THSD7A: variants seen among roughly 807,000 people sequenced by gnomAD.
The protein encoded by THSD7A is thrombospondin type-1 domain-containing protein 7A.
A neutral mutation model predicts 231.3 loss-of-function variants in THSD7A; 96 were observed. The observed-to-expected ratio is 0.41, with a 90% CI of 0.35 to 0.49. THSD7A has a LOEUF of 0.49. Ranked by LOEUF, THSD7A falls within the 20% of genes least tolerant of loss-of-function variation. The pLI is 0.05. For missense variants in THSD7A, 2,290 were observed against 2,070.2 expected (o/e 1.11, Z -2.06); for synonymous variants, 940 against 743.3 (o/e 1.26, Z -4.30).
At chr7:11,824,355 TC>T (rs1784962860) in intron 1 of THSD7A, among the ~76,000 whole-genome samples, 3 of 152,042 alleles carry the variant, frequency 2.0e-5, no homozygotes, top group African/African-American at 4.8e-5. Context: ...ATATCAGAGG[TC>T]AAGAAACTTG....
intron 24 of THSD7A, among the ~76,000 whole-genome samples, chr7:11,380,457 T>G (rs1398038660): frequency 6.6e-6 from 1 of 152,144 alleles, no homozygotes; most frequent in African/African-American, 2.4e-5. Context: ...AAAACAAAAT[T>G]TTTTCTTTAT....
intron 6 of THSD7A, among the ~76,000 whole-genome samples, chr7:11,535,649 T>C (rs1788884460): frequency 6.6e-6 from 1 of 152,048 alleles, no homozygotes; most frequent in Admixed American, 6.6e-5. Flanking sequence ...CTTTGTTGAC[T>C]TATTGCTTAA....
At chr7:11,415,379 C>T (rs1169606460) in intron 17 of THSD7A, among the ~76,000 whole-genome samples, 1 of 152,124 alleles carries the variant, frequency 6.6e-6, no homozygotes, top group African/African-American at 2.4e-5. Flanking sequence ...TCATGGCCTC[C>T]CACAAACAAG....
chr7:11,683,069 C>A (rs569495706), intron 1 of THSD7A, among the ~76,000 whole-genome samples: 2 of 148,582 alleles, frequency 1.3e-5, no homozygotes, highest in Admixed American at 6.7e-5. Flanking sequence ...TGCAGTGAGC[C>A]GAGATCATGC....
intron 9 of THSD7A, among the ~76,000 whole-genome samples, chr7:11,469,545 A>T (rs1349137513): frequency 6.6e-6 from 1 of 152,136 alleles, no homozygotes; most frequent in African/African-American, 2.4e-5. Context: ...TGTACTGATA[A>T]AAGCACTGTA....
At chr7:11,763,399 T>C (rs895085104) in intron 1 of THSD7A, among the ~76,000 whole-genome samples, 5 of 152,202 alleles carry the variant, frequency 3.3e-5, no homozygotes, top group Admixed American at 1.3e-4. Flanking sequence ...CTCTCTTCAT[T>C]GTGTTTACAT....
At chr7:11,390,216 C>A (rs1782927314) in intron 23 of THSD7A, among the ~76,000 whole-genome samples, 1 of 149,702 alleles carries the variant, frequency 6.7e-6, no homozygotes, top group African/African-American at 2.4e-5. Context: ...GTTTTCCATT[C>A]TCCCCATCAC....
intron 1 of THSD7A, among the ~76,000 whole-genome samples, chr7:11,797,057 G>A (rs1784145201): frequency 6.6e-6 from 1 of 151,976 alleles, no homozygotes; most frequent in African/African-American, 2.4e-5. Context: ...GAAACACTAT[G>A]GTTAAACTCC....
At chr7:11,414,491 A>G (rs1783894141) in intron 17 of THSD7A, among the ~76,000 whole-genome samples, 1 of 152,180 alleles carries the variant, frequency 6.6e-6, no homozygotes, top group Non-Finnish European at 1.5e-5. Context: ...ATTCCCTAGA[A>G]GTGTCTATTT....
chr7:11,581,189 GTTA>G (rs990913025), intron 4 of THSD7A, among the ~76,000 whole-genome samples: 2 of 151,840 alleles, frequency 1.3e-5, no homozygotes, highest in South Asian at 2.1e-4. Context: ...AATTAATATT[GTTA>G]TTATCATTAT....
At chr7:11,725,053 G>T (rs1781501994) in intron 1 of THSD7A, among the ~76,000 whole-genome samples, 1 of 151,770 alleles carries the variant, frequency 6.6e-6, no homozygotes, top group Non-Finnish European at 1.5e-5. Context: ...CTCTTCATTT[G>T]TCTGTAAAAG....
intron 1 of THSD7A, chr7:11,820,227 ATCT>A (rs1327152832): frequency 2.7e-6 from 1 of 364,920 alleles, no homozygotes; most frequent in Non-Finnish European, 5.0e-6. Context: ...ATTTTTCAGA[ATCT>A]TCTTGAGGTT....
chr7:11,544,261 G>C (rs1378204475), intron 4 of THSD7A, among the ~76,000 whole-genome samples: 1 of 152,068 alleles, frequency 6.6e-6, no homozygotes, highest in African/African-American at 2.4e-5. Flanking sequence ...AGAATCACTT[G>C]AACCTGGGAG....
At chr7:11,639,505 T>C (rs1781996826) in intron 1 of THSD7A, among the ~76,000 whole-genome samples, 3 of 151,792 alleles carry the variant, frequency 2.0e-5, no homozygotes, top group African/African-American at 7.3e-5. Context: ...CTGTCTGTAC[T>C]AAAAATACAA....
At chr7:11,465,349 G>T (rs1200035415) in intron 9 of THSD7A, among the ~76,000 whole-genome samples, 1 of 151,966 alleles carries the variant, frequency 6.6e-6, no homozygotes, top group Non-Finnish European at 1.5e-5. Context: ...CGAAAAATAA[G>T]GGCACCTGCC....
intron 1 of THSD7A, among the ~76,000 whole-genome samples, chr7:11,827,495 C>G (rs1015154909): frequency 6.6e-6 from 1 of 152,118 alleles, no homozygotes; most frequent in African/African-American, 2.4e-5. Context: ...AAAATACCGT[C>G]TTCATCTAGT....
intron 1 of THSD7A, among the ~76,000 whole-genome samples, chr7:11,712,363 T>C (rs1432192531): frequency 6.6e-6 from 1 of 150,986 alleles, no homozygotes; most frequent in Non-Finnish European, 1.5e-5. Flanking sequence ...TATGTAATCA[T>C]ATGGCAGGGA....
intron 4 of THSD7A, among the ~76,000 whole-genome samples, chr7:11,559,262 C>G (rs1335449620): frequency 6.6e-6 from 1 of 152,086 alleles, no homozygotes; most frequent in African/African-American, 2.4e-5. Flanking sequence ...AGATGCATGC[C>G]AGACCTCTGA....
chr7:11,394,615 A>G (rs1045559198), intron 23 of THSD7A, among the ~76,000 whole-genome samples: 1 of 152,194 alleles, frequency 6.6e-6, no homozygotes, highest in Non-Finnish European at 1.5e-5. Flanking sequence ...ATCTTTGATC[A>G]CCCGCACACG....
Sources: gnomAD v4.1 joint callset for allele counts (sites outside exome capture counted in the v4.1 genomes callset) on GRCh38, gnomAD v4.1.1 for gene constraint, MANE v1.5 for transcripts, NCBI Gene and HGNC (gene_info 2026-07-23, HGNC 2026-07-21) for gene names.